Variants in RUBCN observed in about 807,000 individuals in gnomAD.
The protein encoded by RUBCN is rubicon autophagy regulator, also known as run domain Beclin-1-interacting and cysteine-rich domain-containing protein.
Under a neutral mutation model 113.2 loss-of-function variants are expected in RUBCN, and 74 were observed. That is an observed-to-expected ratio of 0.65 (90% confidence interval 0.54 to 0.79). The LOEUF (loss-of-function observed/expected upper bound fraction) is 0.79. Ranked by LOEUF, RUBCN falls within the 30% of genes least tolerant of loss-of-function variation. RUBCN has a pLI of 0.00. For missense variants in RUBCN, 1,109 were observed against 1,251.7 expected, an observed-to-expected ratio of 0.89 and a Z score of 1.72; for synonymous variants, 480 against 490.0, an observed-to-expected ratio of 0.98 and a Z score of 0.27.
At position 197,669,417 on chromosome 3, in the gene RUBCN, GTTTTGTAGAAAGTTCCTCGAA is replaced by G. The variant is rs1314240380; in HGVS notation, c.*5580_*5600del. On this transcript the variant is annotated 3_prime_UTR_variant, in exon 20 of 20. Coordinates refer to ENST00000296343, the MANE Select transcript of RUBCN (RefSeq NM_014687.4). The stretch of plus-strand genomic sequence containing the variant: ...TTGGCAATTTTGAGTAGGGTCAAGT[GTTTTGTAGAAAGTTCCTCGAA>G]TTTTGCTCCTGTGTTTATGTTGTTT... 6.6e-6 allele frequency among the ~76,000 whole-genome samples: 1 copy of G among 152,164 alleles called. No individual in the cohort carries two copies. Among genetic ancestry groups the G allele is most frequent in the Non-Finnish European group, 1.5e-5 (1 of 68,020 alleles).
chr3:197,711,281 T>C (rs926662273), intron 2 of RUBCN, among the ~76,000 whole-genome samples: 9 of 152,182 alleles, frequency 5.9e-5, no homozygotes, highest in Non-Finnish European at 1.2e-4. Context: ...TAGCAAATGA[T>C]TGGAAACAAT....
intron 1 of RUBCN, among the ~76,000 whole-genome samples, chr3:197,718,381 T>TC (rs1456898354): frequency 1.2e-4 from 19 of 152,206 alleles, no homozygotes; most frequent in Non-Finnish European, 2.8e-4. Context: ...AAAGGGATTT[T>TC]CATCTACTAT....
rs776964887 is a variant in RUBCN, at chr3:197,677,059, C to T, written c.2493-21G>A. The stretch of plus-strand genomic sequence containing the variant: ...GAAGCCTACAGGGAGTGACAGGAGG[C>T]AGGTGAGGGAATGAACAGTGCATGT... On this transcript the variant is annotated intron_variant, in intron 17 of 19. Coordinates refer to ENST00000296343, the MANE Select transcript of RUBCN (RefSeq NM_014687.4). 1.9e-6 allele frequency: 3 copies of T among 1,610,962 alleles called. No homozygotes were observed. In the East Asian group the frequency reaches 6.7e-5, roughly 36 times the overall value.
chr3:197,737,475 A>G (rs953943627), upstream of RUBCN, among the ~76,000 whole-genome samples: 3 of 151,818 alleles, frequency 2.0e-5, no homozygotes, highest in Admixed American at 2.0e-4. Context: ...GCCAGGAGAA[A>G]GAAGAGAAGG....
intron 1 of RUBCN, among the ~76,000 whole-genome samples, chr3:197,728,512 T>C (rs557094129): frequency 2.7e-4 from 41 of 151,970 alleles, no homozygotes; most frequent in African/African-American, 9.4e-4. Context: ...AAAGTGAAAA[T>C]GAATAGGAGA....
At chr3:197,708,385 C>T (rs1724561548) in intron 2 of RUBCN, among the ~76,000 whole-genome samples, 1 of 152,132 alleles carries the variant, frequency 6.6e-6, no homozygotes, top group Non-Finnish European at 1.5e-5. Flanking sequence ...ATCCACCCAC[C>T]TCAGCCTCCC....
chr3:197,746,045 AG>A (rs1164280139), intron 1 of RUBCN, among the ~76,000 whole-genome samples: 1 of 152,222 alleles, frequency 6.6e-6, no homozygotes, highest in Non-Finnish European at 1.5e-5. Flanking sequence ...AAGGAAAGAA[AG>A]AAAGAAAAGT....
rs747021001 is a variant in RUBCN at position 197,681,176 on chromosome 3, T to C, written c.2383A>G (p.Ile795Val). The change falls in exon 16 of 20, where the codon ATA becomes GTA. Residue 795 changes from isoleucine (I) to valine (V), a missense_variant. Coordinates refer to ENST00000296343, the MANE Select transcript of RUBCN (RefSeq NM_014687.4). The surrounding 1 kb of genome is among the most constrained non-coding windows in gnomAD (Gnocchi z 5.5). ...WNDPLFNVQD[I>V]NSALYRKVKL... ...ACCTTCCTATAGAGGGCACTGTTTA[T>C]GTCCTGCACGTTGAAGAGAGGATCA... 4.5e-5 allele frequency: 72 copies of C among 1,613,974 alleles called. No homozygotes were observed. The highest frequency in any genetic ancestry group is 5.5e-5 in the South Asian group (5 of 91,088).
rs1196639690 is a variant in RUBCN at position 197,672,190 on chromosome 3, G to C, written c.*2828C>G. 6.6e-6 allele frequency: 1 copy of C among 152,218 alleles called. No individual in the cohort carries two copies. Among genetic ancestry groups the C allele is most frequent in the East Asian group, 1.9e-4 (1 of 5,204 alleles). 9.4% of individuals were successfully genotyped at this position (152,218 alleles called of 1,614,324 possible). A position where few individuals can be genotyped will look rare whatever the true frequency, so the allele number is the denominator to read the frequency against. On this transcript the variant is annotated 3_prime_UTR_variant, in exon 20 of 20. Coordinates refer to ENST00000296343, the MANE Select transcript of RUBCN (RefSeq NM_014687.4). ...GAACGTCAAAAACAGCCTCATTTAA[G>C]TGGAAAATATTTGTCTTCCACTCTT...
At chr3:197,726,073 T>G (rs1441390623) in intron 1 of RUBCN, among the ~76,000 whole-genome samples, 1 of 152,164 alleles carries the variant, frequency 6.6e-6, no homozygotes, top group Non-Finnish European at 1.5e-5. Flanking sequence ...AGGTTCTAAA[T>G]AATCTGACCC....
intron 16 of RUBCN, among the ~76,000 whole-genome samples, chr3:197,680,092 A>C: frequency 6.9e-6 from 1 of 144,104 alleles, no homozygotes; most frequent in Non-Finnish European, 1.5e-5. Flanking sequence ...AACTGGCTTC[A>C]GACTGTCCTG....
At chr3:197,680,978 AGGGGAG>A in intron 16 of RUBCN, 145 bp downstream of exon 16, 1 of 581,306 alleles carries the variant, frequency 1.7e-6, no homozygotes, top group Non-Finnish European at 3.1e-6. Flanking sequence ...CTATATAACC[AGGGGAG>A]GGGACAAGGA....
At chr3:197,714,248 A>G (rs1725272237) in intron 2 of RUBCN, among the ~76,000 whole-genome samples, 1 of 152,152 alleles carries the variant, frequency 6.6e-6, no homozygotes, top group African/African-American at 2.4e-5. Flanking sequence ...ATTCTGATCT[A>G]GGTTCTAACT....
At chr3:197,744,213 A>G (rs970726065) in intron 1 of RUBCN, among the ~76,000 whole-genome samples, 9 of 152,150 alleles carry the variant, frequency 5.9e-5, no homozygotes, top group Non-Finnish European at 1.3e-4. Flanking sequence ...TACCAGTGTC[A>G]CTCATGAAAA....
At position 197,718,096 on chromosome 3, in the gene RUBCN, T is replaced by C; in HGVS notation, c.100A>G (p.Thr34Ala). The change falls in exon 2 of 20, where the codon ACG becomes GCG. Residue 34 changes from threonine (T) to alanine (A), a missense_variant. This residue lies in a region of RUBCN where 736 missense variants were observed against 779.6 expected (regional missense o/e 0.94). Transcript: ENST00000296343. ...EHWQLLGNLKTTVEGLVSTNS... is the reference protein window; with the variant it reads ...EHWQLLGNLKATVEGLVSTNS... ...GTTGATACCAAACCCTCCACCGTCG[T>C]CTTCAAATTACCCAGCAACTGCCAG... is the stretch of plus-strand genomic sequence containing the variant. 1 of 1,614,198 alleles carries C rather than the reference T, an allele frequency of 6.2e-7. No homozygotes were observed. The highest frequency in any genetic ancestry group is 1.7e-5 in the Admixed American group (1 of 60,022).
At chr3:197,745,598 A>G (rs371327835) in intron 1 of RUBCN, among the ~76,000 whole-genome samples, 115 of 147,048 alleles carry the variant, frequency 7.8e-4, no homozygotes, top group Middle Eastern at 7.6e-3. Context: ...CTGGGCAAAA[A>G]GAGTGAAAAT....
At chr3:197,714,074 T>C (rs911796158) in intron 2 of RUBCN, among the ~76,000 whole-genome samples, 1 of 151,252 alleles carries the variant, frequency 6.6e-6, no homozygotes, top group Non-Finnish European at 1.5e-5. Context: ...AGACTCTGTA[T>C]CAAAAAAAAA....
Position 197,677,554 on chromosome 3 carries a change from A to G in RUBCN, c.2431-13T>C, listed in dbSNP as rs763749949. 13 of 1,613,338 alleles carry G rather than the reference A, an allele frequency of 8.1e-6. No individual in the cohort carries two copies. The East Asian group carries it at 2.7e-4, about 33-fold the overall frequency. On this transcript the variant is annotated splice_polypyrimidine_tract_variant and intron_variant, in intron 16 of 19. Transcript: ENST00000296343. ...GGACCCGCAGCAGCTGAAAAGAAAG[A>G]GAGGGGGGCAGGAGTGGGAGGGAGA...
At chr3:197,727,557 G>A (rs914141711) in intron 1 of RUBCN, among the ~76,000 whole-genome samples, 1 of 152,210 alleles carries the variant, frequency 6.6e-6, no homozygotes, top group African/African-American at 2.4e-5. Context: ...TTTGGTTACA[G>A]TGTTCCACAT....
Sources: gnomAD v4.1 joint callset for allele counts (sites outside exome capture counted in the v4.1 genomes callset) on GRCh38, gnomAD v4.1.1 for gene constraint, gnomAD v4.1.1 regional missense constraint, Gnocchi (gnomAD v3.1) non-coding constraint, MANE v1.5 for transcripts, NCBI Gene and HGNC (gene_info 2026-07-23, HGNC 2026-07-21) for gene names.